CASP8: variants seen among roughly 807,000 people sequenced by gnomAD.
The protein encoded by CASP8 is caspase-8.
In CASP8, 24 loss-of-function variants were observed where a neutral mutation model predicts 46.3. The observed-to-expected ratio is 0.52, with a 90% CI of 0.38 to 0.73. The LOEUF (loss-of-function observed/expected upper bound fraction) is 0.73. CASP8 is among the 30% of genes least tolerant of loss of function. The pLI is 0.00. For missense variants in CASP8, 460 were observed against 559.0 expected, an observed-to-expected ratio of 0.82 and a Z score of 1.79; for synonymous variants, 188 against 200.4, an observed-to-expected ratio of 0.94 and a Z score of 0.52.
rs148353736 is a variant in CASP8 at position 201,272,829 on chromosome 2, C to T, written c.550+53C>T. On this transcript the variant is annotated intron_variant, in intron 4 of 8. Transcript: ENST00000673742. This position sits in a 1 kb window ranked among gnomAD's most constrained non-coding sequence, Gnocchi z 4.4. ...GGCAAAACCTACTCTAAAATTGAAA[C>T]TGACAAATCGCTCCATATCACAGTT... is the stretch of plus-strand genomic sequence containing the variant. 6.2e-7 allele frequency: 1 copy of T among 1,613,796 alleles called. No individual in the cohort carries two copies. The highest frequency in any genetic ancestry group is 1.3e-5 in the African/African-American group (1 of 75,058).
At chr2:201,269,385 C>CATTGTGAAGTCTTTAT in intron 2 of CASP8, 1 of 671,914 alleles carries the variant, frequency 1.5e-6, no homozygotes, top group Non-Finnish European at 2.7e-6. Flanking sequence ...GGTTTACTAG[C>CATTGTGAAGTCTTTAT]ATTGTGAAGT....
intron 2 of CASP8, among the ~76,000 whole-genome samples, chr2:201,250,629 C>A (rs1480225642): frequency 6.6e-6 from 1 of 152,192 alleles, no homozygotes; most frequent in African/African-American, 2.4e-5. Flanking sequence ...TAGAAACCAC[C>A]CCCAAGATCC....
At chr2:201,261,723 G>A (rs781300524) in intron 1 of CASP8, among the ~76,000 whole-genome samples, 33 of 152,330 alleles carry the variant, frequency 2.2e-4, no homozygotes, top group African/African-American at 4.1e-4. Context: ...CTGCCGGTTA[G>A]GGGTTTGGGC....
At chr2:201,256,874 G>A (rs1025462174), upstream of CASP8, among the ~76,000 whole-genome samples, 3 of 152,164 alleles carry the variant, frequency 2.0e-5, no homozygotes, top group Non-Finnish European at 2.9e-5. Flanking sequence ...GGCTGGGCGC[G>A]CTGCCTCATG....
chr2:201,283,768 C>T (rs1949335751), intron 7 of CASP8, among the ~76,000 whole-genome samples: 3 of 62,980 alleles, frequency 4.8e-5, no homozygotes, highest in Admixed American at 1.1e-4. Flanking sequence ...GGCGGCCGGG[C>T]AGAGGAGCCC....
At chr2:201,243,925 T>C (rs1044890032) in intron 2 of CASP8, among the ~76,000 whole-genome samples, 9 of 152,204 alleles carry the variant, frequency 5.9e-5, no homozygotes, top group African/African-American at 2.2e-4. Flanking sequence ...AGCAATCCCC[T>C]GTTTGGCCTG....
At position 201,238,368 on chromosome 2, in the gene CASP8, C is replaced by T. The variant is rs567168196; in HGVS notation, c.-27+4256C>T. ...CTACAAGATAATTTCAGAGAATATTCGCTCCCACCTCAGCGTAGGAAACAA... is the reference window on the plus strand; with the variant it reads ...CTACAAGATAATTTCAGAGAATATTTGCTCCCACCTCAGCGTAGGAAACAA... On this transcript the variant is annotated intron_variant, in intron 2 of 6. Transcript: ENST00000264274. Among the ~76,000 whole-genome samples, 31 of 152,196 alleles carry T rather than the reference C, an allele frequency of 2.0e-4. 1 individual carries two copies. In the South Asian group the frequency reaches 2.5e-3, roughly 12 times the overall value.
chr2:201,277,110 G>A lies in CASP8; in HGVS notation c.802+142G>A. 5 of 667,008 alleles carry A rather than the reference G, an allele frequency of 7.5e-6. No individual in the cohort carries two copies. In the South Asian group the frequency reaches 9.0e-5, roughly 12 times the overall value. The allele number at this position is 667,008 out of a possible 1,614,324, so 41.3% of individuals were successfully genotyped here. A position where few individuals can be genotyped will look rare whatever the true frequency, so the allele number is the denominator to read the frequency against. ...AAACATATTTCCCTGTGGAGGTAAA[G>A]AACATTCTTATACATTTATCAGTTT... is the stretch of plus-strand genomic sequence containing the variant. On this transcript the variant is annotated intron_variant, in intron 7 of 8. Transcript: ENST00000673742.
intron 2 of CASP8, among the ~76,000 whole-genome samples, chr2:201,268,538 T>A (rs1187138194): frequency 6.7e-6 from 1 of 150,070 alleles, no homozygotes; most frequent in Non-Finnish European, 1.5e-5. Context: ...GCAACAAGAG[T>A]GAAACTCTGT....
chr2:201,258,743 C>T (rs969858257), upstream of CASP8, among the ~76,000 whole-genome samples: 5 of 87,518 alleles, frequency 5.7e-5, no homozygotes, highest in South Asian at 5.2e-4. Flanking sequence ...CTGGGGCCGA[C>T]GGTTAAGTAC....
Position 201,269,202 on chromosome 2 carries a change from G to A in CASP8, c.306-2314G>A, listed in dbSNP as rs1226499256. On this transcript the variant is annotated intron_variant, in intron 2 of 8. Transcript: ENST00000673742. Reference sequence around the variant, plus strand: ...CAATCTGCCCACCTCAGCCTCCCAAGTTCTGGGATTACGGGCATGAGCCAC... The same window carrying A: ...CAATCTGCCCACCTCAGCCTCCCAAATTCTGGGATTACGGGCATGAGCCAC... Among the ~76,000 whole-genome samples the A allele has an allele frequency of 3.0e-4, 46 of 152,046 alleles. 1 individual carries two copies. Among genetic ancestry groups the A allele is most frequent in the Admixed American group, 3.0e-3 (46 of 15,244 alleles).
intron 1 of CASP8, 39 bp downstream of exon 1, chr2:201,260,652 T>C: frequency 1.3e-6 from 1 of 757,642 alleles, no homozygotes; most frequent in Non-Finnish European, 1.6e-6. Flanking sequence ...GAGGGGCCTT[T>C]TGGGAGGAAG....
chr2:201,256,169 A>G (rs1293961605), upstream of CASP8, among the ~76,000 whole-genome samples: 5 of 152,238 alleles, frequency 3.3e-5, no homozygotes, highest in African/African-American at 1.2e-4. Flanking sequence ...TGGAAGACTC[A>G]TATTTTTAGA....
chr2:201,263,275 C>T (rs1295320111), intron 1 of CASP8, among the ~76,000 whole-genome samples: 1 of 152,152 alleles, frequency 6.6e-6, no homozygotes, highest in Non-Finnish European at 1.5e-5. Flanking sequence ...TAGAGGTATT[C>T]TTAAAGATTT....
At chr2:201,268,144 C>T (rs772142539) in intron 2 of CASP8, among the ~76,000 whole-genome samples, 6 of 152,070 alleles carry the variant, frequency 3.9e-5, no homozygotes, top group Non-Finnish European at 5.9e-5. Context: ...AGGCTGGTCT[C>T]GAACTCCTGA....
In CASP8 at chr2:201,286,919, G is replaced by A. The variant is rs573928520; in HGVS notation, c.*325G>A. The A allele has an allele frequency of 5.0e-5, 17 of 341,354 alleles. No homozygotes were observed. The highest frequency in any genetic ancestry group is 3.1e-4 in the South Asian group (12 of 38,984). 21.1% of individuals were successfully genotyped at this position (341,354 alleles called of 1,614,324 possible). ...CAGGCGTGAGCCACCGCGCCTGGCC[G>A]ATGGTACTATTTAGATATAACACTA... is the stretch of plus-strand genomic sequence containing the variant. On this transcript the variant is annotated 3_prime_UTR_variant, in exon 9 of 9. Coordinates refer to ENST00000673742, the MANE Select transcript of CASP8 (RefSeq NM_001372051.1).
At chr2:201,246,243 TAA>T (rs1559332008) in intron 2 of CASP8, among the ~76,000 whole-genome samples, 1 of 152,146 alleles carries the variant, frequency 6.6e-6, no homozygotes, top group Non-Finnish European at 1.5e-5. Context: ...TGTGTGGGAA[TAA>T]AAAGACAGCC....
At chr2:201,278,202 A>G (rs1185055573) in intron 7 of CASP8, 1 of 152,548 alleles carries the variant, frequency 6.6e-6, no homozygotes. Context: ...TCATTTTCTT[A>G]TAACTGGCCC....
rs34279090 is a variant in CASP8 at position 201,250,330 on chromosome 2, C to A, written c.-26-16131C>A. Among the ~76,000 whole-genome samples, 687 of 152,312 alleles carry A rather than the reference C, an allele frequency of 4.5e-3. 4 individuals carry two copies. The highest frequency in any genetic ancestry group is 0.015 in the African/African-American group (638 of 41,558). On this transcript the variant is annotated intron_variant, in intron 2 of 6. Coordinates refer to the CASP8 transcript ENST00000264274. ...ATGTCATTGTGTTAGTCTGTTCTTGCATTGCTCTAAAGAGATACCTGAGGT... is the reference window on the plus strand; with the variant it reads ...ATGTCATTGTGTTAGTCTGTTCTTGAATTGCTCTAAAGAGATACCTGAGGT...
Sources: gnomAD v4.1 joint callset for allele counts (sites outside exome capture counted in the v4.1 genomes callset) on GRCh38, gnomAD v4.1.1 for gene constraint, Gnocchi (gnomAD v3.1) non-coding constraint, MANE v1.5 for transcripts, NCBI Gene and HGNC (gene_info 2026-07-23, HGNC 2026-07-21) for gene names.